Variants in DNAH11 observed in about 807,000 individuals in gnomAD.
DNAH11 encodes axonemal beta dynein heavy chain 11.
A neutral mutation model predicts 526.0 loss-of-function variants in DNAH11; 442 were observed. The ratio of observed to expected loss-of-function variants is 0.84; its 90% CI spans 0.78 to 0.91. DNAH11 has a LOEUF of 0.91. Ranked by LOEUF, DNAH11 falls within the 40% of genes least tolerant of loss-of-function variation. The pLI is 0.00. For missense variants in DNAH11, 6,989 were observed against 5,448.7 expected (o/e 1.28, Z -8.90); for synonymous variants, 2,461 against 1,935.9 (o/e 1.27, Z -7.12).
chr7:21,563,408 T>A (rs989328553), intron 5 of DNAH11, among the ~76,000 whole-genome samples: 3 of 152,072 alleles, frequency 2.0e-5, no homozygotes, highest in Non-Finnish European at 2.9e-5. Flanking sequence ...GGGGTCTTGC[T>A]ATCTTTCCCA....
intron 61 of DNAH11, among the ~76,000 whole-genome samples, chr7:21,797,140 C>A (rs1338216604): frequency 6.6e-6 from 1 of 151,672 alleles, no homozygotes; most frequent in Non-Finnish European, 1.5e-5. Flanking sequence ...ATTAAGAGTC[C>A]CTCAGAAAAT....
chr7:21,901,017 G>C lies in DNAH11; in HGVS notation c.13314G>C (p.Trp4438Cys). The change falls in exon 82 of 82, where the codon TGG becomes TGC. Residue 4438 changes from tryptophan to cysteine, a missense_variant. By Grantham distance (215) the Trp-to-Cys change is radical. Coordinates refer to ENST00000409508, the MANE Select transcript of DNAH11 (RefSeq NM_001277115.2). ...GTGTTTTTGCCATAGGCGCCCGCTG[G>C]GACACCCAAGCAGGAACCATTGTTG... is the stretch of plus-strand genomic sequence containing the variant. Reference protein sequence around the residue: ...LHGLFMEGARWDTQAGTIVEA... With the variant: ...LHGLFMEGARCDTQAGTIVEA... 6.3e-7 allele frequency: 1 copy of C among 1,593,180 alleles called. No homozygotes were observed.
chr7:21,685,696 C>T (rs1222347821), intron 32 of DNAH11, among the ~76,000 whole-genome samples: 1 of 152,068 alleles, frequency 6.6e-6, no homozygotes, highest in African/African-American at 2.4e-5. Flanking sequence ...TTAGATATTC[C>T]AAACAAAAGA....
chr7:21,643,130 C>A (rs975519794), intron 28 of DNAH11, among the ~76,000 whole-genome samples: 1 of 152,148 alleles, frequency 6.6e-6, no homozygotes, highest in Non-Finnish European at 1.5e-5. Flanking sequence ...TAGCTATGGA[C>A]AACTGGCCTG....
chr7:21,726,563 T>C (rs1257909924), intron 45 of DNAH11, among the ~76,000 whole-genome samples: 1 of 151,986 alleles, frequency 6.6e-6, no homozygotes, highest in Non-Finnish European at 1.5e-5. Context: ...ATCTCAGCTA[T>C]AAGAATGCCT....
Position 21,789,309 on chromosome 7 carries a change from T to G in DNAH11, c.9993T>G (p.Thr3331=), listed in dbSNP as rs747513916. 9 of 1,575,270 alleles carry G rather than the reference T, an allele frequency of 5.7e-6. No homozygotes were observed. The African/African-American group carries it at 1.2e-4, about 21-fold the overall frequency. The stretch of plus-strand genomic sequence containing the variant: ...CAAACTTAGAACTGGCTGCAGCTAC[T>G]GAAAAACTAGAGGCTATCAGGAAAA... The part of the protein sequence containing the change: ...AQANLELAAA[T]EKLEAIRKKL... The change falls in exon 61 of 82, where the codon ACT becomes ACG. Residue 3331 remains threonine (T), a synonymous_variant. Transcript: ENST00000409508.
chr7:21,783,954 A>G (rs542076990), intron 57 of DNAH11, among the ~76,000 whole-genome samples: 8 of 152,212 alleles, frequency 5.3e-5, no homozygotes, highest in Non-Finnish European at 8.8e-5. Context: ...CAGTTGATCA[A>G]AAGAGCTTCA....
intron 30 of DNAH11, among the ~76,000 whole-genome samples, chr7:21,665,962 GC>G (rs1236761931): frequency 6.6e-6 from 1 of 152,088 alleles, no homozygotes; most frequent in Non-Finnish European, 1.5e-5. Flanking sequence ...GTAACCATCT[GC>G]TGGAGTGTGC....
At chr7:21,769,648 C>A (rs1787337917) in intron 55 of DNAH11, among the ~76,000 whole-genome samples, 1 of 152,016 alleles carries the variant, frequency 6.6e-6, no homozygotes, top group Non-Finnish European at 1.5e-5. Context: ...CCACGCCCTG[C>A]TAATTTTTGT....
intron 24 of DNAH11, 120 bp from the exon 25 acceptor site, chr7:21,619,836 C>T (rs879860821): frequency 9.6e-6 from 9 of 933,466 alleles, no homozygotes; most frequent in Non-Finnish European, 1.5e-5. Flanking sequence ...AAACTCAAGC[C>T]AATAATACTT....
chr7:21,715,373 G>A (rs1355578410), intron 42 of DNAH11, among the ~76,000 whole-genome samples: 2 of 152,200 alleles, frequency 1.3e-5, no homozygotes, highest in Non-Finnish European at 2.9e-5. Flanking sequence ...CTGCTGATAG[G>A]AGGACTCATT....
At chr7:21,765,810 A>T (rs1787159881) in intron 55 of DNAH11, among the ~76,000 whole-genome samples, 1 of 152,208 alleles carries the variant, frequency 6.6e-6, no homozygotes. Context: ...ACTGAGGAGG[A>T]TGTGCACACG....
intron 45 of DNAH11, among the ~76,000 whole-genome samples, chr7:21,732,689 C>T (rs1216740567): frequency 6.6e-6 from 1 of 152,222 alleles, no homozygotes; most frequent in Non-Finnish European, 1.5e-5. Context: ...CAGATTAATT[C>T]TGTGACCTGG....
At chr7:21,675,681 C>G (rs1038515296) in intron 30 of DNAH11, among the ~76,000 whole-genome samples, 2 of 152,084 alleles carry the variant, frequency 1.3e-5, no homozygotes, top group African/African-American at 4.8e-5. Flanking sequence ...ATTTCTTCAT[C>G]AGTTCCTACA....
intron 61 of DNAH11, among the ~76,000 whole-genome samples, chr7:21,799,661 T>G (rs1281618720): frequency 6.6e-6 from 1 of 152,168 alleles, no homozygotes; most frequent in Non-Finnish European, 1.5e-5. Flanking sequence ...TTCTAACTGG[T>G]GATGTATAAT....
At chr7:21,553,323 A>C (rs1477768554) in intron 2 of DNAH11, among the ~76,000 whole-genome samples, 1 of 152,086 alleles carries the variant, frequency 6.6e-6, no homozygotes, top group Non-Finnish European at 1.5e-5. Flanking sequence ...AACATATAAG[A>C]GTGACCAGTT....
chr7:21,606,635 T>G lies in DNAH11; in HGVS notation c.3766-12T>G. 6.7e-7 allele frequency: 1 copy of G among 1,501,814 alleles called. No homozygotes were observed. The highest frequency in any genetic ancestry group is 8.9e-7 in the Non-Finnish European group (1 of 1,117,688). 93.0% of individuals were successfully genotyped at this position (1,501,814 alleles called of 1,614,324 possible). On this transcript the variant is annotated splice_polypyrimidine_tract_variant and intron_variant, in intron 19 of 81. Transcript: ENST00000409508. ...ATTCACTTTTTTTTTTTTTTTTTTT[T>G]GCAATGATCAGGCAAAGCAGGCAGA...
At chr7:21,594,509 A>G (rs899955400) in intron 14 of DNAH11, among the ~76,000 whole-genome samples, 2 of 152,110 alleles carry the variant, frequency 1.3e-5, no homozygotes, top group African/African-American at 2.4e-5. Flanking sequence ...GCTGCAGGAA[A>G]AAGATCAAAT....
intron 25 of DNAH11, among the ~76,000 whole-genome samples, chr7:21,632,496 G>T (rs982003439): frequency 6.6e-6 from 1 of 152,050 alleles, no homozygotes; most frequent in Non-Finnish European, 1.5e-5. Context: ...GTCACCTCTC[G>T]AATGCTTTGT....
Sources: gnomAD v4.1 joint callset for allele counts (sites outside exome capture counted in the v4.1 genomes callset) on GRCh38, gnomAD v4.1.1 for gene constraint, MANE v1.5 for transcripts, NCBI Gene and HGNC (gene_info 2026-07-23, HGNC 2026-07-21) for gene names.